The following PAM variants were observed in gnomAD, a reference collection of about 807,000 sequenced individuals.
PAM encodes peptidylglycine alpha-amidating monooxygenase, also known as peptidyl-glycine alpha-amidating monooxygenase.
A neutral mutation model predicts 122.1 loss-of-function variants in PAM; 72 were observed. The ratio of observed to expected loss-of-function variants is 0.59; its 90% CI spans 0.49 to 0.72. The LOEUF is 0.72. PAM is among the 30% of genes least tolerant of loss of function. The pLI, the probability that PAM is intolerant of heterozygous loss-of-function variation, is 0.00. For synonymous variants in PAM, 389 were observed against 404.4 expected, an observed-to-expected ratio of 0.96 and a Z score of 0.46; for missense variants, 1,106 against 1,183.7, an observed-to-expected ratio of 0.93 and a Z score of 0.96.
intron 16 of PAM, among the ~76,000 whole-genome samples, chr5:102,995,673 C>T (rs569724011): frequency 6.6e-6 from 1 of 152,162 alleles, no homozygotes; most frequent in South Asian, 2.1e-4. Flanking sequence ...AATCCAGAGC[C>T]TGGATGTATG....
intron 1 of PAM, among the ~76,000 whole-genome samples, chr5:102,779,654 G>T (rs1240409957): frequency 6.6e-6 from 1 of 151,818 alleles, no homozygotes; most frequent in Non-Finnish European, 1.5e-5. Flanking sequence ...AATCTAATCA[G>T]CGGCCAGTGA....
intron 1 of PAM, among the ~76,000 whole-genome samples, chr5:102,850,699 TC>T (rs1321795232): frequency 6.6e-6 from 1 of 152,084 alleles, no homozygotes; most frequent in Non-Finnish European, 1.5e-5. Context: ...GTACTTGACT[TC>T]CCCACCAAGC....
At chr5:102,945,055 T>C (rs77298784) in intron 7 of PAM, among the ~76,000 whole-genome samples, 2 of 152,286 alleles carry the variant, frequency 1.3e-5, no homozygotes, top group East Asian at 3.9e-4. Context: ...CTGTATTTTT[T>C]GGAATATACC....
In PAM at chr5:102,938,294, G is replaced by A. The variant is rs974589375; in HGVS notation, c.527-8543G>A. Reference sequence around the variant, plus strand: ...CTCAGTCATCTCATTGATTCCATGGGACACCTGTTTATTTTAATACCTAAA... The same window carrying A: ...CTCAGTCATCTCATTGATTCCATGGAACACCTGTTTATTTTAATACCTAAA... On this transcript the variant is annotated intron_variant, in intron 7 of 25. Transcript: ENST00000438793. Among the ~76,000 whole-genome samples, 11 of 152,118 alleles carry A rather than the reference G, an allele frequency of 7.2e-5. No homozygotes were observed. The South Asian group carries it at 2.1e-3, about 29-fold the overall frequency.
At chr5:102,909,190 G>A (rs1453883386) in intron 4 of PAM, among the ~76,000 whole-genome samples, 1 of 151,432 alleles carries the variant, frequency 6.6e-6, no homozygotes, top group Non-Finnish European at 1.5e-5. Flanking sequence ...AACAGTCTTA[G>A]AATACTGACT....
intron 1 of PAM, among the ~76,000 whole-genome samples, chr5:102,839,211 T>C (rs529501388): frequency 7.9e-5 from 12 of 152,328 alleles, no homozygotes; most frequent in Admixed American, 4.6e-4. Flanking sequence ...AAGTTTATAT[T>C]CAAGGATTCC....
intron 14 of PAM, among the ~76,000 whole-genome samples, chr5:102,965,102 G>T (rs1763659753): frequency 6.6e-6 from 1 of 150,412 alleles, no homozygotes; most frequent in South Asian, 2.1e-4. Context: ...CTGCATGGAG[G>T]AAATGAATCC....
intron 16 of PAM, among the ~76,000 whole-genome samples, chr5:103,002,818 T>C (rs1777798632): frequency 6.6e-6 from 1 of 152,154 alleles, no homozygotes; most frequent in African/African-American, 2.4e-5. Context: ...TTCCCAGCAA[T>C]GCCAATGCTT....
At chr5:102,983,228 T>C (rs1037235901) in intron 15 of PAM, among the ~76,000 whole-genome samples, 1 of 151,980 alleles carries the variant, frequency 6.6e-6, no homozygotes, top group Non-Finnish European at 1.5e-5. Context: ...GTAGATTGCT[T>C]GAGGCCAGGA....
chr5:102,756,600 A>C (rs1750404576), intron 1 of PAM, among the ~76,000 whole-genome samples: 1 of 152,214 alleles, frequency 6.6e-6, no homozygotes, highest in Non-Finnish European at 1.5e-5. Context: ...GTAAATTTTC[A>C]GTTTATAATC....
At chr5:102,831,931 G>T (rs1414562513) in intron 1 of PAM, among the ~76,000 whole-genome samples, 1 of 151,278 alleles carries the variant, frequency 6.6e-6, no homozygotes, top group African/African-American at 2.4e-5. Flanking sequence ...TACTACACCA[G>T]TCATTCATCT....
intron 1 of PAM, among the ~76,000 whole-genome samples, chr5:102,777,359 GTTA>G (rs1417140745): frequency 1.3e-5 from 2 of 151,832 alleles, no homozygotes; most frequent in Non-Finnish European, 2.9e-5. Context: ...CATAAACCTT[GTTA>G]TTATCTAACA....
chr5:102,781,591 G>A (rs954782130), intron 1 of PAM, among the ~76,000 whole-genome samples: 6 of 152,162 alleles, frequency 3.9e-5, no homozygotes, highest in Admixed American at 6.5e-5. Flanking sequence ...ACATTGCAGT[G>A]CTGCTCAGCC....
At chr5:102,973,105 G>A (rs1395439924) in intron 14 of PAM, among the ~76,000 whole-genome samples, 4 of 152,256 alleles carry the variant, frequency 2.6e-5, no homozygotes, top group South Asian at 2.1e-4. Flanking sequence ...TAATTAAAAC[G>A]TAAGCAACAG....
chr5:102,808,872 T>A (rs550546107), intron 1 of PAM, among the ~76,000 whole-genome samples: 11 of 152,372 alleles, frequency 7.2e-5, no homozygotes, highest in African/African-American at 1.4e-4. Context: ...TCTATTATTG[T>A]GATGAATGCA....
At chr5:102,935,345 A>C (rs1165304932) in intron 7 of PAM, among the ~76,000 whole-genome samples, 1 of 152,074 alleles carries the variant, frequency 6.6e-6, no homozygotes, top group East Asian at 1.9e-4. Flanking sequence ...TTCACTTAAC[A>C]GTGTACCCTG....
At chr5:102,907,095 G>T (rs1799797021) in intron 4 of PAM, among the ~76,000 whole-genome samples, 1 of 151,664 alleles carries the variant, frequency 6.6e-6, no homozygotes, top group African/African-American at 2.4e-5. Context: ...ATATAGGTTT[G>T]CTCAGGTGTC....
At chr5:102,758,786 C>T (rs185893554) in intron 1 of PAM, among the ~76,000 whole-genome samples, 3 of 152,228 alleles carry the variant, frequency 2.0e-5, no homozygotes, top group Admixed American at 6.5e-5. Context: ...CAGTATACAG[C>T]TATTGCTCTA....
chr5:102,972,299 T>G (rs893301784), intron 14 of PAM, among the ~76,000 whole-genome samples: 3 of 152,154 alleles, frequency 2.0e-5, no homozygotes, highest in Non-Finnish European at 4.4e-5. Flanking sequence ...TAATTTTTTT[T>G]GAGATGAGGT....
Sources: gnomAD v4.1 joint callset for allele counts (sites outside exome capture counted in the v4.1 genomes callset) on GRCh38, gnomAD v4.1.1 for gene constraint, MANE v1.5 for transcripts, NCBI Gene and HGNC (gene_info 2026-07-23, HGNC 2026-07-21) for gene names.